TTC23L: variants seen among roughly 807,000 people sequenced by gnomAD.
TTC23L encodes the protein tetratricopeptide repeat protein 23-like.
A neutral mutation model predicts 48.1 loss-of-function variants in TTC23L; 42 were observed. The ratio of observed to expected loss-of-function variants is 0.87; its 90% CI spans 0.68 to 1.13. TTC23L has a LOEUF of 1.13. Ranked by LOEUF, TTC23L falls within the 50% of genes most tolerant of loss-of-function variation. TTC23L has a pLI of 0.00. For missense variants in TTC23L, 391 were observed against 421.0 expected, an observed-to-expected ratio of 0.93 and a Z score of 0.62; for synonymous variants, 159 against 157.2, an observed-to-expected ratio of 1.01 and a Z score of -0.09.
At chr5:34,875,028 A>G (rs932405240) in intron 8 of TTC23L, among the ~76,000 whole-genome samples, 1 of 152,218 alleles carries the variant, frequency 6.6e-6, no homozygotes, top group African/African-American at 2.4e-5. Context: ...CACTATACTA[A>G]CATTAATCAA....
chr5:34,871,866 T>C (rs1417197547), intron 8 of TTC23L, among the ~76,000 whole-genome samples: 1 of 152,038 alleles, frequency 6.6e-6, no homozygotes, highest in Admixed American at 6.6e-5. Flanking sequence ...TTAAAACAAA[T>C]GATACTGCAA....
the TTC23L span, chr5:34,922,703 C>G: frequency 1.2e-6 from 2 of 1,613,416 alleles, no homozygotes; most frequent in Non-Finnish European, 1.7e-6. Context: ...AGTTCATACC[C>G]TCGCTGAACT....
Position 34,869,143 on chromosome 5 carries a change from A to G in TTC23L, c.949+130A>G, listed in dbSNP as rs79429651. 434 of 682,122 alleles carry G rather than the reference A, an allele frequency of 6.4e-4. 2 individuals carry two copies. In the East Asian group the frequency reaches 0.011, roughly 17 times the overall value. The allele number at this position is 682,122 out of a possible 1,614,324, so 42.3% of individuals were successfully genotyped here. A position where few individuals can be genotyped will look rare whatever the true frequency, so the allele number is the denominator to read the frequency against. ...GAAAAATTAGGTGGGTCACAGTCTC[A>G]TACAAAATCAATTACACATTAATTT... On this transcript the variant is annotated intron_variant, in intron 8 of 10. Transcript: ENST00000505624.
the TTC23L span, chr5:34,923,422 C>A: frequency 5.2e-6 from 3 of 581,790 alleles, no homozygotes; most frequent in Non-Finnish European, 9.2e-6. Context: ...GGATTACAAG[C>A]ACCCATCATC....
intron 9 of TTC23L, among the ~76,000 whole-genome samples, chr5:34,890,586 T>G (rs148685098): frequency 6.6e-6 from 1 of 152,198 alleles, no homozygotes; most frequent in East Asian, 1.9e-4. Flanking sequence ...AATTTGAGTA[T>G]ACGTATGAGG....
chr5:34,914,045 C>T, the TTC23L span: 1 of 455,840 alleles, frequency 2.2e-6, no homozygotes, highest in Admixed American at 2.4e-5. Flanking sequence ...GGACAAGAAC[C>T]GTGTCTTATT....
chr5:34,840,673 T>A (rs1284338051), exon 2 of TTC23L: 3 of 1,613,978 alleles, frequency 1.9e-6, no homozygotes, highest in South Asian at 2.2e-5. Flanking sequence ...AGGAAGAAGA[T>A]GCAAGCCAGC....
intron 4 of TTC23L, among the ~76,000 whole-genome samples, chr5:34,850,580 T>C (rs906966589): frequency 9.9e-5 from 15 of 152,116 alleles, no homozygotes; most frequent in African/African-American, 2.9e-4. Context: ...ATACTATTAG[T>C]AACCTCAGTT....
intron 9 of TTC23L, among the ~76,000 whole-genome samples, chr5:34,888,199 C>T (rs946978899): frequency 2.0e-5 from 3 of 152,046 alleles, no homozygotes; most frequent in African/African-American, 4.8e-5. Context: ...TCACCTGACA[C>T]GAAATGGACT....
At chr5:34,853,171 T>A (rs1759817660) in intron 4 of TTC23L, among the ~76,000 whole-genome samples, 1 of 152,104 alleles carries the variant, frequency 6.6e-6, no homozygotes, top group African/African-American at 2.4e-5. Context: ...GGAAAGATGT[T>A]AGTCTGGGAG....
chr5:34,880,202 TAAG>T, exon 9 of TTC23L: 1 of 1,612,220 alleles, frequency 6.2e-7, no homozygotes, highest in East Asian at 2.2e-5. Flanking sequence ...ATATATTTCA[TAAG>T]AAGTATCAAT....
At chr5:34,925,290 T>G in the TTC23L span, 2 of 1,613,046 alleles carry the variant, frequency 1.2e-6, no homozygotes, top group East Asian at 4.5e-5. Flanking sequence ...GTGAAAGATG[T>G]GCAAAAACTG....
intron 10 of TTC23L, among the ~76,000 whole-genome samples, chr5:34,897,395 AAAAAAAAATTAAACATT>A: frequency 2.0e-5 from 3 of 151,068 alleles, no homozygotes; most frequent in Admixed American, 1.3e-4. Flanking sequence ...AAGAAAAATA[AAAAAAAAATTAAACATT>A]AAAAAAAATA....
At chr5:34,919,766 C>T in the TTC23L span, 1 of 492,492 alleles carries the variant, frequency 2.0e-6, no homozygotes. Context: ...TTCTGGATAG[C>T]ATATGTGGTT....
chr5:34,867,034 A>C (rs1300342788), exon 7 of TTC23L: 5 of 1,611,884 alleles, frequency 3.1e-6, no homozygotes, highest in Non-Finnish European at 4.2e-6. Context: ...GCAGCTGAGG[A>C]GGAACCACAA....
chr5:34,851,727 T>C (rs1173471220), intron 4 of TTC23L, among the ~76,000 whole-genome samples: 2 of 152,204 alleles, frequency 1.3e-5, no homozygotes, highest in Non-Finnish European at 2.9e-5. Flanking sequence ...ATCAGACTGA[T>C]TTTCTCAAAA....
the TTC23L span, chr5:34,921,637 G>A: frequency 6.6e-6 from 1 of 152,270 alleles, no homozygotes; most frequent in Non-Finnish European, 1.5e-5. Context: ...CAGGTGAGGT[G>A]GCTCACACCT....
chr5:34,858,155 C>G (rs1212233564), intron 4 of TTC23L, among the ~76,000 whole-genome samples: 2 of 152,166 alleles, frequency 1.3e-5, no homozygotes, highest in Non-Finnish European at 2.9e-5. Flanking sequence ...CCTTGCTGCC[C>G]CTCTGCCTTG....
the TTC23L span, chr5:34,925,223 T>TA: frequency 0.13 from 193,370 of 1,478,334 alleles, 3,141 homozygotes; most frequent in Middle Eastern, 0.15. Flanking sequence ...TTTTTTTTTT[T>TA]AGCATCGGCG....
Sources: gnomAD v4.1 joint callset for allele counts (sites outside exome capture counted in the v4.1 genomes callset) on GRCh38, gnomAD v4.1.1 for gene constraint, MANE v1.5 for transcripts, NCBI Gene and HGNC (gene_info 2026-07-23, HGNC 2026-07-21) for gene names.